B4GALNT4: variants seen among roughly 807,000 people sequenced by gnomAD.
The protein encoded by B4GALNT4 is N-acetyl-beta-glucosaminyl-glycoprotein 4-beta-N-acetylgalactosaminyltransferase 1.
B4GALNT4 carries 77 observed loss-of-function variants against 110.0 expected under a neutral mutation model. That is an observed-to-expected ratio of 0.70 (90% CI 0.58 to 0.85). B4GALNT4 has a LOEUF of 0.85. B4GALNT4 is among the 40% of genes least tolerant of loss of function. The probability of loss-of-function intolerance (pLI) is 0.00; values close to 1 mark genes in which losing one functional copy is unlikely to be tolerated. For synonymous variants in B4GALNT4, 785 were observed against 655.5 expected (o/e 1.20, Z -3.02); for missense variants, 1,575 against 1,506.0 (o/e 1.05, Z -0.76).
intron 13 of B4GALNT4, 29 bp from the exon 14 acceptor site, chr11:376,392 A>T (rs1182403297): frequency 6.2e-7 from 1 of 1,602,744 alleles, no homozygotes; most frequent in Non-Finnish European, 8.5e-7. Context: ...CCACCTGCGC[A>T]GGGAGCTTCT....
rs1846757827 is a variant in B4GALNT4 at position 376,527 on chromosome 11, C to G, written c.1404C>G (p.Ala468=). 4 of 1,465,476 alleles carry G rather than the reference C, an allele frequency of 2.7e-6. No individual in the cohort carries two copies. Among genetic ancestry groups the G allele is most frequent in the Non-Finnish European group, 3.6e-6 (4 of 1,117,378 alleles). The allele number at this position is 1,465,476 out of a possible 1,614,324, so 90.8% of individuals were successfully genotyped here. A position where few individuals can be genotyped will look rare whatever the true frequency, so the allele number is the denominator to read the frequency against. ...GPQSPAPAAP[A]QPGATLAPPT... ...AGTCCCCCGCCCCAGCAGCCCCCGC[C>G]CAGCCCGGAGCCACCCTCGCCCCGC... Residue 468 remains alanine, a synonymous_variant, in exon 14 of 20, where the codon GCC becomes GCG. Coordinates refer to ENST00000329962, the MANE Select transcript of B4GALNT4 (RefSeq NM_178537.5).
Position 373,845 on chromosome 11 carries a change from C to T in B4GALNT4, c.783+17C>T. The T allele has an allele frequency of 6.2e-7, 1 of 1,610,552 alleles. No homozygotes were observed. Among genetic ancestry groups the T allele is most frequent in the Non-Finnish European group, 8.5e-7 (1 of 1,179,350 alleles). Reference sequence around the variant, plus strand: ...GAAGTGGGCGTGAGTGCCTTCCTCCCCTGGGGGCTTCTGGAGACTCCACTC... The same window carrying T: ...GAAGTGGGCGTGAGTGCCTTCCTCCTCTGGGGGCTTCTGGAGACTCCACTC... On this transcript the variant is annotated intron_variant, in intron 8 of 19. Transcript: ENST00000329962.
chr11:378,119 C>A (rs1846798161), intron 14 of B4GALNT4, among the ~76,000 whole-genome samples: 1 of 151,982 alleles, frequency 6.6e-6, no homozygotes, highest in African/African-American at 2.4e-5. Context: ...AGGGCCAGGA[C>A]TGTTTCTCAT....
In B4GALNT4 at chr11:369,857, G is replaced by T; in HGVS notation, c.54G>T (p.Leu18=). 1 of 996,494 alleles carries T rather than the reference G, an allele frequency of 1.0e-6. No individual in the cohort carries two copies. Among genetic ancestry groups the T allele is most frequent in the Non-Finnish European group, 1.2e-6 (1 of 838,176 alleles). The allele number at this position is 996,494 out of a possible 1,614,324, so 61.7% of individuals were successfully genotyped here. The change falls in exon 1 of 20, where the codon CTG becomes CTT. Residue 18 remains leucine (L), a synonymous_variant. Coordinates refer to ENST00000329962, the MANE Select transcript of B4GALNT4 (RefSeq NM_178537.5). The part of the protein sequence containing the change: ...KIRKQMKLLL[L]LLLLSCAAWL... ...GTAAGCAGATGAAGCTGCTGCTGCT[G>T]CTGCTGCTGCTGAGCTGCGCCGCGT...
Position 376,711 on chromosome 11 carries a change from G to GTGCGGCCGGGACAGCGGGCA in B4GALNT4, c.1590_1609dup (p.Ser537CysfsTer96). 2 of 1,412,412 alleles carry GTGCGGCCGGGACAGCGGGCA rather than the reference G, an allele frequency of 1.4e-6. No homozygotes were observed. Among genetic ancestry groups the GTGCGGCCGGGACAGCGGGCA allele is most frequent in the Non-Finnish European group, 1.8e-6 (2 of 1,089,210 alleles). The allele number at this position is 1,412,412 out of a possible 1,614,324, so 87.5% of individuals were successfully genotyped here. A position where few individuals can be genotyped will look rare whatever the true frequency, so the allele number is the denominator to read the frequency against. On this transcript the variant is annotated frameshift_variant, in exon 14 of 20. Transcript: ENST00000329962. LOFTEE classifies it high-confidence loss of function. ...GCCCCCAAAGGTGTACGTGACCAGG[G>GTGCGGCCGGGACAGCGGGCA]TGCGGCCGGGACAGCGGGCATCCCC... is the stretch of plus-strand genomic sequence containing the variant.
chr11:376,690 C>A lies in B4GALNT4; in HGVS notation c.1567C>A (p.Pro523Thr). ...GCGCCCTGCAGTGGAGCAGCCGCCC[C>A]CAAAGGTGTACGTGACCAGGGTGCG... ...PPRPAVEQPP[P>T]KVYVTRVRPG... The change falls in exon 14 of 20, where the codon CCA becomes ACA. Residue 523 changes from proline to threonine, a missense_variant. Transcript: ENST00000329962. The A allele has an allele frequency of 7.0e-7, 1 of 1,426,928 alleles. No homozygotes were observed. The highest frequency in any genetic ancestry group is 1.5e-5 in the African/African-American group (1 of 66,386). The allele number at this position is 1,426,928 out of a possible 1,614,324, so 88.4% of individuals were successfully genotyped here. A position where few individuals can be genotyped will look rare whatever the true frequency, so the allele number is the denominator to read the frequency against.
At position 375,493 on chromosome 11, in the gene B4GALNT4, G is replaced by C; in HGVS notation, c.816G>C (p.Glu272Asp). 1 of 1,611,768 alleles carries C rather than the reference G, an allele frequency of 6.2e-7. No homozygotes were observed. Among genetic ancestry groups the C allele is most frequent in the South Asian group, 1.1e-5 (1 of 91,076 alleles). Residue 272 changes from glutamate (E) to aspartate (D), a missense_variant, in exon 9 of 20, where the codon GAG becomes GAC. Physicochemically the swap from Glu to Asp is conservative, Grantham distance 45. Coordinates refer to ENST00000329962, the MANE Select transcript of B4GALNT4 (RefSeq NM_178537.5). ...WRAFLPGLKF[E>D]VISSAHISLY... ...CTTTCCTGCCCGGCCTGAAGTTCGA[G>C]GTCATCAGCTCTGCTCACATCTCCC...
In B4GALNT4 at chr11:381,937, C is replaced by G. The variant is rs1429445874; in HGVS notation, c.*145C>G. The G allele has an allele frequency of 3.0e-6, 3 of 991,926 alleles. No individual in the cohort carries two copies. The highest frequency in any genetic ancestry group is 2.3e-5 in the South Asian group (1 of 42,814). The allele number at this position is 991,926 out of a possible 1,614,324, so 61.4% of individuals were successfully genotyped here. A position where few individuals can be genotyped will look rare whatever the true frequency, so the allele number is the denominator to read the frequency against. On this transcript the variant is annotated 3_prime_UTR_variant, in exon 20 of 20. Coordinates refer to ENST00000329962, the MANE Select transcript of B4GALNT4 (RefSeq NM_178537.5). The stretch of plus-strand genomic sequence containing the variant: ...GCCTGCCCCTCTCTGGCCCACTGGG[C>G]GTCGTGCCCCTCCCCGGAGAGGCAG...
At chr11:379,063 C>T (rs908083124) in intron 14 of B4GALNT4, among the ~76,000 whole-genome samples, 6 of 152,236 alleles carry the variant, frequency 3.9e-5, no homozygotes, top group African/African-American at 1.4e-4. Context: ...CCCCTTGGAA[C>T]CTTGTCCTAT....
In B4GALNT4 at chr11:375,827, T is replaced by C. The variant is rs745821489; in HGVS notation, c.986-20T>C. On this transcript the variant is annotated intron_variant, in intron 10 of 19. Transcript: ENST00000329962. ...GCGGGGGTGCCTGCCCCAGCCACCC[T>C]GTGACCGCACCTCCTGCAGCTCCAC... The C allele has an allele frequency of 2.4e-5, 39 of 1,605,864 alleles. No individual in the cohort carries two copies. Among genetic ancestry groups the C allele is most frequent in the East Asian group, 6.7e-5 (3 of 44,672 alleles).
chr11:380,899 A>T lies in B4GALNT4; in HGVS notation c.2944A>T (p.Thr982Ser). 6.2e-7 allele frequency: 1 copy of T among 1,613,646 alleles called. No individual in the cohort carries two copies. ...CTTTGACCGGGTTGGAGGAATGAAC[A>T]CGGAGGAGTTCCGAGACCAGTGGGG... is the stretch of plus-strand genomic sequence containing the variant. ...SDFDRVGGMNTEEFRDQWGGE... is the reference protein window; with the variant it reads ...SDFDRVGGMNSEEFRDQWGGE... The change falls in exon 19 of 20, where the codon ACG (threonine) becomes TCG (serine). Residue 982 changes from threonine (T) to serine (S), a missense_variant. Physicochemically the swap from Thr to Ser is moderately conservative, Grantham distance 58. Coordinates refer to ENST00000329962, the MANE Select transcript of B4GALNT4 (RefSeq NM_178537.5).
chr11:380,676 T>G lies in B4GALNT4; in HGVS notation c.2870-149T>G, dbSNP rs779430181. 7 of 1,393,770 alleles carry G rather than the reference T, an allele frequency of 5.0e-6. No homozygotes were observed. The South Asian group carries it at 8.2e-5, about 16-fold the overall frequency. The allele number at this position is 1,393,770 out of a possible 1,614,324, so 86.3% of individuals were successfully genotyped here. A position where few individuals can be genotyped will look rare whatever the true frequency, so the allele number is the denominator to read the frequency against. On this transcript the variant is annotated intron_variant, in intron 18 of 19. Transcript: ENST00000329962. ...GTTTATGCACCGCGCTCCAGGGTCA[T>G]GACCCAGTACCACCGGACGACTCCC...
At position 376,065 on chromosome 11, in the gene B4GALNT4, A is replaced by AC. The variant is rs754043016; in HGVS notation, c.1096-3dup. The stretch of plus-strand genomic sequence containing the variant: ...CGCGCCCTGAGCCCTGCGCCCCCCC[A>AC]CCCCCCAGGTGTACCTGTCCTTCGT... On this transcript the variant is annotated splice_polypyrimidine_tract_variant and intron_variant, in intron 11 of 19. Transcript: ENST00000329962. 4.9e-6 allele frequency: 5 copies of AC among 1,027,914 alleles called. No homozygotes were observed. The highest frequency in any genetic ancestry group is 2.2e-4 in the Middle Eastern group (1 of 4,604). The allele number at this position is 1,027,914 out of a possible 1,614,324, so 63.7% of individuals were successfully genotyped here.
chr11:369,711 CGGGGCG>C lies in B4GALNT4; in HGVS notation c.-90_-85del. 1 of 616,632 alleles carries C rather than the reference CGGGGCG, an allele frequency of 1.6e-6. No individual in the cohort carries two copies. Among genetic ancestry groups the C allele is most frequent in the Non-Finnish European group, 2.0e-6 (1 of 499,180 alleles). The allele number at this position is 616,632 out of a possible 1,614,324, so 38.2% of individuals were successfully genotyped here. A position where few individuals can be genotyped will look rare whatever the true frequency, so the allele number is the denominator to read the frequency against. On this transcript the variant is annotated 5_prime_UTR_variant, in exon 1 of 20. Coordinates refer to ENST00000329962, the MANE Select transcript of B4GALNT4 (RefSeq NM_178537.5). ...GCGGGGCCGCGGGCGCTGAGCGCGG[CGGGGCG>C]GGCCGGGGATGCGGCGCGGGGCGGG...
Position 372,231 on chromosome 11 carries a change from A to G in B4GALNT4, c.255+19A>G. On this transcript the variant is annotated intron_variant, in intron 2 of 19. Transcript: ENST00000329962. ...GCAAGCGGTGAGCAGAGCCCTGGGG[A>G]GAACACGTGTGCACGGAGACGAGAC... The G allele has an allele frequency of 6.5e-7, 1 of 1,547,048 alleles. No homozygotes were observed. Among genetic ancestry groups the G allele is most frequent in the Non-Finnish European group, 8.7e-7 (1 of 1,144,132 alleles).
intron 14 of B4GALNT4, 23 bp from the exon 15 acceptor site, chr11:379,395 C>T (rs764423165): frequency 7.5e-6 from 11 of 1,472,194 alleles, no homozygotes; most frequent in African/African-American, 1.5e-5. Flanking sequence ...GCCCCAGTAC[C>T]GGCTGACCGC....
In B4GALNT4 at chr11:369,535, G is replaced by A. The variant is rs1354579089; in HGVS notation, c.-269G>A. Among the ~76,000 whole-genome samples, 5 of 141,746 alleles carry A rather than the reference G, an allele frequency of 3.5e-5. No homozygotes were observed. In the East Asian group the frequency reaches 6.3e-4, roughly 18 times the overall value. 93.0% of individuals were successfully genotyped at this position (141,746 alleles called of 152,430 possible). On this transcript the variant is annotated 5_prime_UTR_variant, in exon 1 of 20. Coordinates refer to ENST00000329962, the MANE Select transcript of B4GALNT4 (RefSeq NM_178537.5). The stretch of plus-strand genomic sequence containing the variant: ...GCAGCCGTGGATGCTGTTCGGTCCC[G>A]CCGCCGCCCCAGGAGCGCGGAGCCG...
In B4GALNT4 at chr11:376,071, C is replaced by CCCG. The variant is rs2133572453; in HGVS notation, c.1096-3_1096-2insCCG. 1.9e-6 allele frequency: 3 copies of CCCG among 1,608,232 alleles called. No homozygotes were observed. Among genetic ancestry groups the CCCG allele is most frequent in the Admixed American group, 1.7e-5 (1 of 59,852 alleles). On this transcript the variant is annotated splice_polypyrimidine_tract_variant and splice_region_variant and intron_variant, in intron 11 of 19. Coordinates refer to ENST00000329962, the MANE Select transcript of B4GALNT4 (RefSeq NM_178537.5). ...CTGAGCCCTGCGCCCCCCCACCCCC[C>CCCG]AGGTGTACCTGTCCTTCGTTTATCC... is the stretch of plus-strand genomic sequence containing the variant.
At chr11:380,712 G>T (rs1466970795) in intron 18 of B4GALNT4, 113 bp from the exon 19 acceptor site, 1 of 1,545,456 alleles carries the variant, frequency 6.5e-7, no homozygotes. Flanking sequence ...GGAAGCCCCC[G>T]TGGTGATGGG....
Sources: gnomAD v4.1 joint callset for allele counts (sites outside exome capture counted in the v4.1 genomes callset) on GRCh38, gnomAD v4.1.1 for gene constraint, MANE v1.5 for transcripts, NCBI Gene and HGNC (gene_info 2026-07-23, HGNC 2026-07-21) for gene names.